Variants in RNF168 observed in about 807,000 individuals in gnomAD.
RNF168 encodes the protein ring finger protein 168, also known as E3 ubiquitin-protein ligase RNF168.
RNF168 carries 34 observed loss-of-function variants against 34.9 expected under a neutral mutation model. The ratio of observed to expected loss-of-function variants is 0.97; its 90% CI spans 0.74 to 1.30. The LOEUF (loss-of-function observed/expected upper bound fraction) is 1.30. Ranked by LOEUF, RNF168 falls within the 50% of genes most tolerant of loss-of-function variation. The pLI, the probability that RNF168 is intolerant of heterozygous loss-of-function variation, is 0.00. For missense variants in RNF168, 725 were observed against 682.5 expected, an observed-to-expected ratio of 1.06 and a Z score of -0.69; for synonymous variants, 264 against 254.7, an observed-to-expected ratio of 1.04 and a Z score of -0.35.
chr3:196,502,784 T>G, intron 1 of RNF168, 89 bp downstream of exon 1: 2 of 1,235,310 alleles, frequency 1.6e-6, no homozygotes, highest in Non-Finnish European at 2.4e-6. Flanking sequence ...GTTTTTTGGT[T>G]TGTTTTTACT....
rs1732955109 is a variant in RNF168 at position 196,503,440 on chromosome 3, C to G, written c.-267G>C. ...CCAGCAAATAAATGCAGGTTTTCGT[C>G]GGAGGAGCCTGGCTGCTCCGCGGCA... On this transcript the variant is annotated 5_prime_UTR_variant, in exon 1 of 6. Coordinates refer to ENST00000318037, the MANE Select transcript of RNF168 (RefSeq NM_152617.4). 2.1e-6 allele frequency: 1 copy of G among 477,770 alleles called. No individual in the cohort carries two copies. Among genetic ancestry groups the G allele is most frequent in the African/African-American group, 2.0e-5 (1 of 50,906 alleles). 29.6% of individuals were successfully genotyped at this position (477,770 alleles called of 1,614,324 possible).
intron 5 of RNF168, 30 bp from the exon 6 acceptor site, chr3:196,472,802 C>T (rs773520030): frequency 3.7e-6 from 5 of 1,353,848 alleles, no homozygotes; most frequent in Non-Finnish European, 3.2e-6. Flanking sequence ...ACTGAGTGAA[C>T]CAGGGGAAAA....
chr3:196,487,023 C>T (rs529865301), intron 3 of RNF168, among the ~76,000 whole-genome samples: 28 of 152,278 alleles, frequency 1.8e-4, no homozygotes, highest in Admixed American at 5.2e-4. Context: ...CCACTGCACT[C>T]CAACCTGCAT....
rs1023312617 is a variant in RNF168 at position 196,470,214 on chromosome 3, C to T, written c.*1605G>A. ...ACCCAATCAGTTTCAATGATCCAGA[C>T]TGTCAGTCACCCCATCCAGCCACAT... On this transcript the variant is annotated 3_prime_UTR_variant, in exon 6 of 6. Transcript: ENST00000318037. The T allele has an allele frequency of 6.5e-6, 1 of 152,742 alleles. No homozygotes were observed. Among genetic ancestry groups the T allele is most frequent in the African/African-American group, 2.4e-5 (1 of 41,324 alleles). 9.5% of individuals were successfully genotyped at this position (152,742 alleles called of 1,614,324 possible). A position where few individuals can be genotyped will look rare whatever the true frequency, so the allele number is the denominator to read the frequency against.
chr3:196,475,549 TTTC>T (rs1732125524), intron 4 of RNF168, among the ~76,000 whole-genome samples: 2 of 89,582 alleles, frequency 2.2e-5, no homozygotes, highest in African/African-American at 1.3e-4. Flanking sequence ...CTAAATATTT[TTTC>T]TTTTTTTTTT....
chr3:196,481,609 C>G (rs999298756), intron 4 of RNF168, among the ~76,000 whole-genome samples: 9 of 148,864 alleles, frequency 6.0e-5, no homozygotes, highest in Non-Finnish European at 1.3e-4. Flanking sequence ...GAATAACTTA[C>G]AGTGATTCAT....
At chr3:196,496,702 T>C (rs1449492919) in intron 1 of RNF168, among the ~76,000 whole-genome samples, 4 of 152,138 alleles carry the variant, frequency 2.6e-5, no homozygotes, top group African/African-American at 9.7e-5. Context: ...AACTGGTAAG[T>C]TGATTGAAAA....
intron 4 of RNF168, among the ~76,000 whole-genome samples, chr3:196,481,104 G>A (rs1480628482): frequency 6.6e-6 from 1 of 152,056 alleles, no homozygotes; most frequent in African/African-American, 2.4e-5. Flanking sequence ...TGACTTTTTG[G>A]GTTTTCTACA....
intron 4 of RNF168, among the ~76,000 whole-genome samples, chr3:196,482,074 T>G (rs1732307055): frequency 1.3e-5 from 2 of 151,806 alleles, no homozygotes; most frequent in African/African-American, 4.8e-5. Flanking sequence ...CCCATGTAGC[T>G]GGGATTACAG....
intron 1 of RNF168, among the ~76,000 whole-genome samples, chr3:196,498,403 T>C (rs1193144094): frequency 2.6e-5 from 4 of 152,070 alleles, no homozygotes; most frequent in African/African-American, 9.7e-5. Context: ...TCCACCCGCC[T>C]CGGCCTCCCA....
intron 4 of RNF168, among the ~76,000 whole-genome samples, chr3:196,478,138 G>A (rs973177587): frequency 6.6e-6 from 1 of 152,010 alleles, no homozygotes. Context: ...CATGTTTTAA[G>A]AACTTTTTTT....
chr3:196,473,238 G>A (rs1391878945), intron 5 of RNF168, among the ~76,000 whole-genome samples: 2 of 152,010 alleles, frequency 1.3e-5, no homozygotes, highest in African/African-American at 4.8e-5. Context: ...TCTCTACCGT[G>A]GACCCTCCTT....
chr3:196,474,926 A>G, intron 5 of RNF168: 1 of 354,454 alleles, frequency 2.8e-6, no homozygotes, highest in Non-Finnish European at 5.4e-6. Flanking sequence ...TTTACATATT[A>G]TCTATAGATG....
intron 3 of RNF168, among the ~76,000 whole-genome samples, chr3:196,484,171 CTTTTTTTT>C (rs71699491): frequency 8.4e-6 from 1 of 119,462 alleles, no homozygotes; most frequent in Non-Finnish European, 1.6e-5. Context: ...TCTTTCTTTC[CTTTTTTTT>C]TTTTTTTTTG....
intron 1 of RNF168, among the ~76,000 whole-genome samples, chr3:196,500,991 G>A (rs1007190589): frequency 7.2e-5 from 11 of 152,322 alleles, no homozygotes; most frequent in African/African-American, 2.6e-4. Context: ...GATTACAGGC[G>A]TGAGCCGCCG....
At chr3:196,502,587 C>G in intron 1 of RNF168, among the ~76,000 whole-genome samples, 1 of 120,902 alleles carries the variant, frequency 8.3e-6, no homozygotes, top group Non-Finnish European at 1.8e-5. Flanking sequence ...GATCCTGTCT[C>G]AAAAAAAAAA....
intron 1 of RNF168, among the ~76,000 whole-genome samples, chr3:196,501,668 T>C (rs1255097455): frequency 2.0e-5 from 3 of 152,200 alleles, no homozygotes; most frequent in Admixed American, 6.5e-5. Flanking sequence ...ATTAATGCTA[T>C]TGAATTGTAC....
intron 5 of RNF168, among the ~76,000 whole-genome samples, chr3:196,473,766 C>T (rs776495743): frequency 1.3e-5 from 2 of 151,688 alleles, no homozygotes; most frequent in Admixed American, 6.6e-5. Context: ...GAGGATGCAC[C>T]GAGCATCCAC....
In RNF168 at chr3:196,492,468, G is replaced by A. The variant is rs540560354; in HGVS notation, c.302-3785C>T. 1.7e-3 allele frequency among the ~76,000 whole-genome samples: 266 copies of A among 152,042 alleles called. 1 individual carries two copies. Among genetic ancestry groups the A allele is most frequent in the Non-Finnish European group, 3.0e-3 (207 of 67,980 alleles). Reference sequence around the variant, plus strand: ...TGGTACTGACACAGCTACTGATAAAGAGATAGTTAAAAAATAAAAAGCCCA... The same window carrying A: ...TGGTACTGACACAGCTACTGATAAAAAGATAGTTAAAAAATAAAAAGCCCA... On this transcript the variant is annotated intron_variant, in intron 1 of 5. Coordinates refer to ENST00000318037, the MANE Select transcript of RNF168 (RefSeq NM_152617.4).
Sources: gnomAD v4.1 joint callset for allele counts (sites outside exome capture counted in the v4.1 genomes callset) on GRCh38, gnomAD v4.1.1 for gene constraint, MANE v1.5 for transcripts, NCBI Gene and HGNC (gene_info 2026-07-23, HGNC 2026-07-21) for gene names.